Variants in TLE4 observed in about 807,000 individuals in gnomAD.
TLE4 encodes transducin-like enhancer protein 4.
TLE4 carries 8 observed loss-of-function variants against 92.8 expected under a neutral mutation model. That is an observed-to-expected ratio of 0.09 (90% CI 0.05 to 0.16). TLE4 has a LOEUF of 0.16. TLE4 is among the 10% of genes least tolerant of loss of function. The probability of loss-of-function intolerance (pLI) is 1.00; values close to 1 mark genes in which losing one functional copy is unlikely to be tolerated. For synonymous variants in TLE4, 371 were observed against 374.1 expected (o/e 0.99, Z 0.10); for missense variants, 675 against 997.6 (o/e 0.68, Z 4.36).
chr9:79,720,258 C>T lies in TLE4; in HGVS notation c.1803C>T (p.Ile601=), dbSNP rs368052205. 55 of 1,613,918 alleles carry T rather than the reference C, an allele frequency of 3.4e-5. No individual in the cohort carries two copies. Among genetic ancestry groups the T allele is most frequent in the South Asian group, 4.4e-5 (4 of 91,078 alleles). Residue 601 remains isoleucine (I), a synonymous_variant, in exon 16 of 20, where the codon ATC becomes ATT. Transcript: ENST00000376552. Reference sequence around the variant, plus strand: ...TCTCATGCTGCAGCGACGGCAACATCGCTGTGTGGGATCTGCACAACCAGA... The same window carrying T: ...TCTCATGCTGCAGCGACGGCAACATTGCTGTGTGGGATCTGCACAACCAGA... ...VCFSCCSDGN[I]AVWDLHNQTL...
At chr9:79,573,409 G>A in intron 1 of TLE4, 1 of 1,204,180 alleles carries the variant, frequency 8.3e-7, no homozygotes, top group South Asian at 2.7e-5. Context: ...GTCCCTGGGT[G>A]CCTGTCTTTG....
At chr9:79,649,649 C>T in intron 6 of TLE4, 3 of 347,674 alleles carry the variant, frequency 8.6e-6, no homozygotes, top group Middle Eastern at 4.1e-4. Flanking sequence ...CTAAGATTAG[C>T]ATACAAGAGG....
intron 8 of TLE4, among the ~76,000 whole-genome samples, chr9:79,687,232 C>T (rs2066059742): frequency 6.6e-6 from 1 of 152,196 alleles, no homozygotes; most frequent in Non-Finnish European, 1.5e-5. Flanking sequence ...TCCTCACTTG[C>T]TCATGGGCTT....
In TLE4 at chr9:79,574,750, A is replaced by G. The variant is rs1478968376; in HGVS notation, c.144-123A>G. ...CCTTTCCCCTTCCCTTTCCATAATG[A>G]TGGGGGTATTTATTTAAGATTGTTG... On this transcript the variant is annotated intron_variant, in intron 2 of 19. Coordinates refer to ENST00000376552, the MANE Select transcript of TLE4 (RefSeq NM_007005.6). 5.3e-6 allele frequency: 4 copies of G among 749,338 alleles called. No homozygotes were observed. In the East Asian group the frequency reaches 8.6e-5, roughly 16 times the overall value. 46.4% of individuals were successfully genotyped at this position (749,338 alleles called of 1,614,324 possible).
Position 79,720,028 on chromosome 9 carries a change from T to C in TLE4, c.1591-18T>C. ...CCTTTCCTCATGAGTAATCTCTTGATGGTTTTTGTCTCTACAGAACAGGGA... is the reference window on the plus strand; with the variant it reads ...CCTTTCCTCATGAGTAATCTCTTGACGGTTTTTGTCTCTACAGAACAGGGA... On this transcript the variant is annotated intron_variant, in intron 15 of 19. Transcript: ENST00000376552. 2 of 1,586,614 alleles carry C rather than the reference T, an allele frequency of 1.3e-6. No individual in the cohort carries two copies. Among genetic ancestry groups the C allele is most frequent in the Non-Finnish European group, 1.7e-6 (2 of 1,159,564 alleles).
chr9:79,597,902 A>G (rs1257685359), intron 4 of TLE4, among the ~76,000 whole-genome samples: 6 of 151,988 alleles, frequency 3.9e-5, no homozygotes, highest in Admixed American at 3.3e-4. Flanking sequence ...CGTTCCATGA[A>G]TGTTAGGATG....
At chr9:79,718,341 A>G (rs2074976049) in intron 14 of TLE4, among the ~76,000 whole-genome samples, 1 of 152,208 alleles carries the variant, frequency 6.6e-6, no homozygotes, top group East Asian at 1.9e-4. Context: ...GATTCATCCA[A>G]AGGAGAAGGC....
chr9:79,693,143 C>G (rs1006668614), intron 8 of TLE4, among the ~76,000 whole-genome samples: 6 of 152,164 alleles, frequency 3.9e-5, no homozygotes, highest in African/African-American at 1.4e-4. Flanking sequence ...ACATTACCAA[C>G]ACAGAATAGC....
At chr9:79,677,640 G>T (rs114473501) in intron 8 of TLE4, among the ~76,000 whole-genome samples, 1,534 of 141,252 alleles carry the variant, frequency 0.011, 29 homozygotes, top group African/African-American at 0.037. Flanking sequence ...ACAATTCTGC[G>T]TTTTGAATTG....
intron 15 of TLE4, among the ~76,000 whole-genome samples, chr9:79,719,624 C>CT (rs1238860417): frequency 6.6e-6 from 1 of 152,132 alleles, no homozygotes; most frequent in African/African-American, 2.4e-5. Context: ...GATCTACCCC[C>CT]TGAAACTTTC....
chr9:79,652,206 A>G (rs2059129919), intron 6 of TLE4, among the ~76,000 whole-genome samples: 1 of 149,492 alleles, frequency 6.7e-6, no homozygotes, highest in Non-Finnish European at 1.5e-5. Flanking sequence ...TTTTTTTTTG[A>G]GATGGAGTCT....
intron 6 of TLE4, among the ~76,000 whole-genome samples, chr9:79,644,574 G>A (rs1930256): frequency 0.035 from 5,299 of 152,232 alleles, 310 homozygotes; most frequent in African/African-American, 0.12. Context: ...CCACTTCATT[G>A]TGATGCTTCC....
At chr9:79,671,335 A>C in intron 8 of TLE4, 1 of 450,274 alleles carries the variant, frequency 2.2e-6, no homozygotes, top group Non-Finnish European at 4.5e-6. Context: ...GTGTGCTTCT[A>C]CTGGTAGGAA....
chr9:79,580,994 GGGTTCTTGTGTTTTT>G (rs2039505691), intron 4 of TLE4, among the ~76,000 whole-genome samples: 1 of 152,062 alleles, frequency 6.6e-6, no homozygotes, highest in Non-Finnish European at 1.5e-5. Flanking sequence ...GGGGTGGGAA[GGGTTCTTGTGTTTTT>G]GGTTTTCATT....
Position 79,716,895 on chromosome 9 carries a change from A to T in TLE4, c.1341-1827A>T, listed in dbSNP as rs146873357. Reference sequence around the variant, plus strand: ...TCTTTCTTATTCCATTCTTACCATAATGCTTGGCACACTGGCATACTCAAG... The same window carrying T: ...TCTTTCTTATTCCATTCTTACCATATTGCTTGGCACACTGGCATACTCAAG... On this transcript the variant is annotated intron_variant, in intron 14 of 19. Coordinates refer to ENST00000376552, the MANE Select transcript of TLE4 (RefSeq NM_007005.6). Among the ~76,000 whole-genome samples the T allele has an allele frequency of 5.5e-4, 84 of 152,266 alleles. No homozygotes were observed. In the East Asian group the frequency reaches 0.015, roughly 27 times the overall value.
At chr9:79,606,631 G>C (rs956684546) in intron 4 of TLE4, among the ~76,000 whole-genome samples, 4 of 151,884 alleles carry the variant, frequency 2.6e-5, no homozygotes, top group Non-Finnish European at 4.4e-5. Flanking sequence ...GTGGTGTCTG[G>C]TTTTCTGTCC....
At chr9:79,678,946 G>T (rs1388921634) in intron 8 of TLE4, among the ~76,000 whole-genome samples, 2 of 152,058 alleles carry the variant, frequency 1.3e-5, no homozygotes, top group African/African-American at 2.4e-5. Context: ...ACAAAGGACA[G>T]GAACTCATCA....
chr9:79,705,054 A>T, intron 9 of TLE4, 152 bp downstream of exon 9: 1 of 1,213,574 alleles, frequency 8.2e-7, no homozygotes, highest in African/African-American at 1.5e-5. Context: ...CTCTGTAGCC[A>T]TTGGCTAGCT....
chr9:79,670,525 G>A (rs1024636231), intron 8 of TLE4, among the ~76,000 whole-genome samples: 1 of 152,154 alleles, frequency 6.6e-6, no homozygotes, highest in Non-Finnish European at 1.5e-5. Context: ...TGCTCAAGCA[G>A]GTATTCATGT....
Sources: allele counts gnomAD v4.1 joint callset (sites outside exome capture counted in the v4.1 genomes callset), GRCh38; gene constraint gnomAD v4.1.1; transcripts MANE v1.5; gene names NCBI Gene and HGNC (gene_info 2026-07-23, HGNC 2026-07-21).